SPAG16: variants seen among roughly 807,000 people sequenced by gnomAD.
The protein encoded by SPAG16 is sperm-associated antigen 16 protein.
In SPAG16, 86 loss-of-function variants were observed where a neutral mutation model predicts 80.4. The ratio of observed to expected loss-of-function variants is 1.07; its 90% CI spans 0.90 to 1.28. The LOEUF (loss-of-function observed/expected upper bound fraction) is 1.28. Ranked by LOEUF, SPAG16 falls within the 50% of genes most tolerant of loss-of-function variation. The pLI, the probability that SPAG16 is intolerant of heterozygous loss-of-function variation, is 0.00. For missense variants in SPAG16, 870 were observed against 765.3 expected (o/e 1.14, Z -1.61); for synonymous variants, 294 against 265.9 (o/e 1.11, Z -1.03).
At chr2:213,976,290 A>G (rs1350840128) in intron 12 of SPAG16, among the ~76,000 whole-genome samples, 1 of 151,186 alleles carries the variant, frequency 6.6e-6, no homozygotes, top group Admixed American at 6.6e-5. Flanking sequence ...ACATGTGTGC[A>G]CATATGCATA....
chr2:213,504,484 T>A (rs899270805), intron 10 of SPAG16, among the ~76,000 whole-genome samples: 7 of 152,030 alleles, frequency 4.6e-5, no homozygotes, highest in African/African-American at 9.7e-5. Flanking sequence ...GGCAAAAAAA[T>A]TATTTTTAGT....
intron 11 of SPAG16, among the ~76,000 whole-genome samples, chr2:213,877,630 T>C (rs1043334266): frequency 1.1e-4 from 16 of 152,184 alleles, no homozygotes; most frequent in Admixed American, 4.6e-4. Flanking sequence ...AGGCATTTTT[T>C]ATGAATGCCT....
Position 213,340,144 on chromosome 2 carries a change from G to A in SPAG16, c.537-19G>A, listed in dbSNP as rs116126965. On this transcript the variant is annotated intron_variant, in intron 5 of 15. Coordinates refer to ENST00000331683, the MANE Select transcript of SPAG16 (RefSeq NM_024532.5). Reference sequence around the variant, plus strand: ...AAAAGAATTAGCAGTGATTTATAAAGTTACTATTTTTTTTTCAGCAAAGCT... The same window carrying A: ...AAAAGAATTAGCAGTGATTTATAAAATTACTATTTTTTTTTCAGCAAAGCT... 1 of 1,545,682 alleles carries A rather than the reference G, an allele frequency of 6.5e-7. No homozygotes were observed. The highest frequency in any genetic ancestry group is 8.9e-7 in the Non-Finnish European group (1 of 1,126,410).
At chr2:214,362,037 G>T (rs374985769) in intron 15 of SPAG16, among the ~76,000 whole-genome samples, 12 of 151,910 alleles carry the variant, frequency 7.9e-5, no homozygotes, top group African/African-American at 2.9e-4. Flanking sequence ...GTTTACTGTG[G>T]TAACAAACAA....
intron 15 of SPAG16, among the ~76,000 whole-genome samples, chr2:214,317,459 A>G (rs1695771844): frequency 6.6e-6 from 1 of 152,206 alleles, no homozygotes; most frequent in African/African-American, 2.4e-5. Flanking sequence ...TTTTAGAGAG[A>G]TGCCTGTCAG....
At chr2:213,455,887 A>C (rs1252853689) in intron 9 of SPAG16, among the ~76,000 whole-genome samples, 1 of 152,190 alleles carries the variant, frequency 6.6e-6, no homozygotes, top group Non-Finnish European at 1.5e-5. Context: ...AGAACAGGAC[A>C]CACAGACCTT....
chr2:213,317,076 T>C (rs1425072200), intron 4 of SPAG16, 143 bp from the exon 5 acceptor site: 3 of 502,696 alleles, frequency 6.0e-6, no homozygotes, highest in Non-Finnish European at 1.1e-5. Context: ...ATATTATGAC[T>C]GTTGGACATT....
intron 7 of SPAG16, among the ~76,000 whole-genome samples, chr2:213,358,179 G>A (rs181149785): frequency 6.6e-6 from 1 of 152,066 alleles, no homozygotes; most frequent in Admixed American, 6.6e-5. Context: ...TCTCTCTGGC[G>A]GCCCTTAACA....
chr2:214,137,259 T>A (rs1231532853), intron 14 of SPAG16, among the ~76,000 whole-genome samples: 1 of 152,156 alleles, frequency 6.6e-6, no homozygotes, highest in Non-Finnish European at 1.5e-5. Context: ...CAATTTTGCA[T>A]GCTGCTATTT....
At chr2:213,709,888 T>G (rs1354975617) in intron 10 of SPAG16, among the ~76,000 whole-genome samples, 1 of 152,236 alleles carries the variant, frequency 6.6e-6, no homozygotes, top group Non-Finnish European at 1.5e-5. Flanking sequence ...AAAGGCTATA[T>G]TTTATTTTTT....
At position 213,317,542 on chromosome 2, in the gene SPAG16, T is replaced by C. The variant is rs1444533906; in HGVS notation, c.536+186T>C. ...CAGATGATCAGAACTATCACAATTA[T>C]AACTTACCAACAAGAAGGGAATGCA... On this transcript the variant is annotated intron_variant, in intron 5 of 15. Transcript: ENST00000331683. 9.5e-6 allele frequency: 12 copies of C among 1,269,378 alleles called. No homozygotes were observed. The South Asian group carries it at 2.6e-4, about 28-fold the overall frequency. 78.6% of individuals were successfully genotyped at this position (1,269,378 alleles called of 1,614,324 possible).
intron 9 of SPAG16, among the ~76,000 whole-genome samples, chr2:213,471,816 C>T (rs974019129): frequency 6.6e-6 from 1 of 152,164 alleles, no homozygotes; most frequent in Non-Finnish European, 1.5e-5. Flanking sequence ...GTCTTGCCTG[C>T]AAAATCCAAA....
At chr2:213,769,537 C>A (rs2069127690) in intron 10 of SPAG16, among the ~76,000 whole-genome samples, 1 of 152,154 alleles carries the variant, frequency 6.6e-6, no homozygotes, top group Non-Finnish European at 1.5e-5. Context: ...GTATCAGAAA[C>A]AAGGGCAGAG....
intron 13 of SPAG16, among the ~76,000 whole-genome samples, chr2:214,070,713 A>G (rs1053944338): frequency 6.6e-6 from 1 of 152,206 alleles, no homozygotes; most frequent in Admixed American, 6.5e-5. Context: ...ATATTATATC[A>G]GTAGAGTTTC....
chr2:214,330,435 T>C (rs901155610), intron 15 of SPAG16, among the ~76,000 whole-genome samples: 10 of 152,116 alleles, frequency 6.6e-5, no homozygotes, highest in Non-Finnish European at 1.0e-4. Flanking sequence ...TTACTTCAGG[T>C]TCCCCAAGAA....
chr2:213,742,341 T>C (rs1262325734), intron 10 of SPAG16, among the ~76,000 whole-genome samples: 4 of 152,136 alleles, frequency 2.6e-5, no homozygotes, highest in Non-Finnish European at 5.9e-5. Context: ...ATAGTCCATT[T>C]GCACCTCTTC....
At position 213,675,159 on chromosome 2, in the gene SPAG16, G is replaced by A. The variant is rs562593606; in HGVS notation, c.1070+185069G>A. 1.2e-4 allele frequency among the ~76,000 whole-genome samples: 19 copies of A among 152,306 alleles called. No homozygotes were observed. The South Asian group carries it at 2.5e-3, about 20-fold the overall frequency. On this transcript the variant is annotated intron_variant, in intron 10 of 15. Coordinates refer to ENST00000331683, the MANE Select transcript of SPAG16 (RefSeq NM_024532.5). ...AGTGATGGTGAGCATGTTTTCATGC[G>A]TATTTTGGCTGCATAAATGTCTTCT...
At chr2:214,097,393 G>T (rs2052662322) in intron 13 of SPAG16, among the ~76,000 whole-genome samples, 1 of 152,070 alleles carries the variant, frequency 6.6e-6, no homozygotes, top group African/African-American at 2.4e-5. Flanking sequence ...GTGTTGTGAT[G>T]TGAGGGGCTG....
At chr2:214,333,620 C>T (rs1035240930) in intron 15 of SPAG16, among the ~76,000 whole-genome samples, 1 of 152,140 alleles carries the variant, frequency 6.6e-6, no homozygotes, top group Non-Finnish European at 1.5e-5. Context: ...AATGGAATAC[C>T]CTGTGGGCTC....
Sources: gnomAD v4.1 joint callset for allele counts (sites outside exome capture counted in the v4.1 genomes callset) on GRCh38, gnomAD v4.1.1 for gene constraint, MANE v1.5 for transcripts, NCBI Gene and HGNC (gene_info 2026-07-23, HGNC 2026-07-21) for gene names.